The following SEMA3E variants were observed in gnomAD, a reference collection of about 807,000 sequenced individuals.
SEMA3E encodes the protein semaphorin 3E.
Under a neutral mutation model 93.6 loss-of-function variants are expected in SEMA3E, and 49 were observed. The observed-to-expected ratio is 0.52, with a 90% confidence interval of 0.42 to 0.66. The LOEUF is 0.66. Ranked by LOEUF, SEMA3E falls within the 30% of genes least tolerant of loss-of-function variation. The pLI, the probability that SEMA3E is intolerant of heterozygous loss-of-function variation, is 0.00. For missense variants in SEMA3E, 906 were observed against 964.8 expected, an observed-to-expected ratio of 0.94 and a Z score of 0.81; for synonymous variants, 363 against 330.7, an observed-to-expected ratio of 1.10 and a Z score of -1.06.
rs149488617 is a variant in SEMA3E at position 83,488,176 on chromosome 7, G to A, written c.276+1938C>T. 9.9e-5 allele frequency among the ~76,000 whole-genome samples: 15 copies of A among 152,110 alleles called. 1 individual carries two copies. In the East Asian group the frequency reaches 2.9e-3, roughly 30 times the overall value. On this transcript the variant is annotated intron_variant, in intron 2 of 16. Coordinates refer to ENST00000643230, the MANE Select transcript of SEMA3E (RefSeq NM_012431.3). ...CAAAGTATGCATAATAAGCAGTAAT[G>A]CCAGACAATAAAGGGGGAACAATCT...
At chr7:83,482,296 G>C (rs1019849234) in intron 2 of SEMA3E, among the ~76,000 whole-genome samples, 9 of 152,138 alleles carry the variant, frequency 5.9e-5, no homozygotes, top group African/African-American at 1.9e-4. Context: ...GCCAGGCGCA[G>C]TGGCCCACGT....
chr7:83,518,317 G>T (rs1352671514), intron 1 of SEMA3E, among the ~76,000 whole-genome samples: 2 of 146,938 alleles, frequency 1.4e-5, no homozygotes, highest in East Asian at 2.0e-4. Flanking sequence ...CATTAGCTCA[G>T]AAAAAAAAAG....
chr7:83,604,503 T>G (rs1177161580), intron 1 of SEMA3E, among the ~76,000 whole-genome samples: 1 of 144,324 alleles, frequency 6.9e-6, no homozygotes, highest in East Asian at 2.1e-4. Flanking sequence ...CACATTTATG[T>G]GTGTGTACAT....
intron 1 of SEMA3E, among the ~76,000 whole-genome samples, chr7:83,548,086 G>T (rs1455616860): frequency 6.6e-6 from 1 of 151,956 alleles, no homozygotes; most frequent in African/African-American, 2.4e-5. Flanking sequence ...TCCTGTCTTT[G>T]TTCCAGGATT....
intron 4 of SEMA3E, among the ~76,000 whole-genome samples, chr7:83,451,481 A>T (rs1420980071): frequency 6.6e-6 from 1 of 152,202 alleles, no homozygotes; most frequent in Non-Finnish European, 1.5e-5. Flanking sequence ...TTATCTACAC[A>T]TTCATTCATT....
intron 12 of SEMA3E, among the ~76,000 whole-genome samples, chr7:83,395,273 G>A (rs896631566): frequency 3.3e-5 from 5 of 152,062 alleles, no homozygotes; most frequent in Non-Finnish European, 2.9e-5. Context: ...AGCTGCTCCG[G>A]TTGATATAGG....
intron 4 of SEMA3E, among the ~76,000 whole-genome samples, chr7:83,431,848 G>A (rs994037579): frequency 2.0e-5 from 3 of 152,148 alleles, no homozygotes; most frequent in Non-Finnish European, 4.4e-5. Flanking sequence ...AAATTAATGT[G>A]GCTGATTGTA....
chr7:83,414,220 A>G (rs1788498812), intron 5 of SEMA3E, among the ~76,000 whole-genome samples: 1 of 151,834 alleles, frequency 6.6e-6, no homozygotes, highest in South Asian at 2.1e-4. Context: ...ACTTACCATT[A>G]TAAAGACAAA....
Position 83,418,496 on chromosome 7 carries a change from C to A in SEMA3E, c.457-13G>T. The A allele has an allele frequency of 1.3e-6, 2 of 1,574,592 alleles. No homozygotes were observed. Among genetic ancestry groups the A allele is most frequent in the Middle Eastern group, 1.7e-4 (1 of 6,000 alleles). On this transcript the variant is annotated splice_polypyrimidine_tract_variant and intron_variant, in intron 4 of 16. Coordinates refer to ENST00000643230, the MANE Select transcript of SEMA3E (RefSeq NM_012431.3). ...GAAACAGAGGATCCTTGAAAGAAAA[C>A]CAGAAAAATCATTATGAATATGCCT...
intron 1 of SEMA3E, among the ~76,000 whole-genome samples, chr7:83,595,917 T>C (rs1034586449): frequency 6.6e-6 from 1 of 152,124 alleles, no homozygotes; most frequent in African/African-American, 2.4e-5. Context: ...TATGAAAATA[T>C]TCCATTTATC....
At chr7:83,429,122 A>G (rs971268748) in intron 4 of SEMA3E, among the ~76,000 whole-genome samples, 1 of 152,198 alleles carries the variant, frequency 6.6e-6, no homozygotes, top group African/African-American at 2.4e-5. Flanking sequence ...TATTTTATCA[A>G]ATTGCATTTT....
chr7:83,409,831 T>TA (rs1387114728), intron 5 of SEMA3E, among the ~76,000 whole-genome samples: 1 of 151,694 alleles, frequency 6.6e-6, no homozygotes, highest in East Asian at 1.9e-4. Context: ...GTAAGGTCTT[T>TA]AAAGCTTTGG....
Position 83,545,429 on chromosome 7 carries a change from C to T in SEMA3E, c.116-55155G>A, listed in dbSNP as rs1434692580. Among the ~76,000 whole-genome samples the T allele has an allele frequency of 2.6e-5, 4 of 151,702 alleles. No homozygotes were observed. In the Admixed American group the frequency reaches 2.6e-4, roughly 10 times the overall value. On this transcript the variant is annotated intron_variant, in intron 1 of 16. Transcript: ENST00000643230. Reference sequence around the variant, plus strand: ...AAATTCTTCCCCCAATCCCCAAATACCTACTATGATTTGTCTTGAAAGCTT... The same window carrying T: ...AAATTCTTCCCCCAATCCCCAAATATCTACTATGATTTGTCTTGAAAGCTT...
At chr7:83,442,515 C>G (rs1428462858) in intron 4 of SEMA3E, among the ~76,000 whole-genome samples, 1 of 152,142 alleles carries the variant, frequency 6.6e-6, no homozygotes, top group Non-Finnish European at 1.5e-5. Flanking sequence ...AGTGATTTAG[C>G]CACTTAAGGA....
At chr7:83,468,904 A>T (rs780635432) in intron 3 of SEMA3E, among the ~76,000 whole-genome samples, 10 of 152,188 alleles carry the variant, frequency 6.6e-5, no homozygotes, top group Non-Finnish European at 1.5e-4. Flanking sequence ...CTCACAAAGA[A>T]TGTGCTTAAC....
chr7:83,544,214 A>G (rs1350167374), intron 1 of SEMA3E, among the ~76,000 whole-genome samples: 3 of 152,210 alleles, frequency 2.0e-5, no homozygotes, highest in African/African-American at 7.2e-5. Context: ...AAGTATATAA[A>G]TTTCTTTTAT....
intron 1 of SEMA3E, among the ~76,000 whole-genome samples, chr7:83,634,019 C>A (rs1584377811): frequency 6.6e-6 from 1 of 152,146 alleles, no homozygotes; most frequent in Non-Finnish European, 1.5e-5. Flanking sequence ...TAACAGTATT[C>A]TAGACATTCA....
At position 83,385,814 on chromosome 7, in the gene SEMA3E, A is replaced by C. The variant is rs139335068; in HGVS notation, c.1736-381T>G. Among the ~76,000 whole-genome samples, 255 of 152,292 alleles carry C rather than the reference A, an allele frequency of 1.7e-3. 1 individual carries two copies. The highest frequency in any genetic ancestry group is 6.0e-3 in the African/African-American group (249 of 41,586). On this transcript the variant is annotated intron_variant, in intron 15 of 16. Transcript: ENST00000643230. The stretch of plus-strand genomic sequence containing the variant: ...GATACAAACAAAAGCAGACACCAGA[A>C]ATGCAGGCAAAATGCCACTACATAA...
chr7:83,626,977 C>G (rs567725537), intron 1 of SEMA3E, among the ~76,000 whole-genome samples: 7 of 152,206 alleles, frequency 4.6e-5, no homozygotes, highest in Non-Finnish European at 5.9e-5. Context: ...ACTAGTCATT[C>G]AGGAGCAGAT....
Sources: allele counts gnomAD v4.1 joint callset (sites outside exome capture counted in the v4.1 genomes callset), GRCh38; gene constraint gnomAD v4.1.1; transcripts MANE v1.5; gene names NCBI Gene and HGNC (gene_info 2026-07-23, HGNC 2026-07-21).